Variants in TENM2 observed in about 807,000 individuals in gnomAD.
The protein encoded by TENM2 is teneurin transmembrane protein 2.
A neutral mutation model predicts 245.2 loss-of-function variants in TENM2; 52 were observed. The observed-to-expected ratio is 0.21, with a 90% CI of 0.17 to 0.27. The LOEUF (loss-of-function observed/expected upper bound fraction) is 0.27. TENM2 is among the 10% of genes least tolerant of loss of function. The pLI is 1.00. For missense variants in TENM2, 3,046 were observed against 3,666.8 expected, an observed-to-expected ratio of 0.83 and a Z score of 4.37; for synonymous variants, 1,363 against 1,438.9, an observed-to-expected ratio of 0.95 and a Z score of 1.19.
chr5:167,519,675 C>T (rs966659153), intron 2 of TENM2, among the ~76,000 whole-genome samples: 2 of 152,062 alleles, frequency 1.3e-5, no homozygotes, highest in Non-Finnish European at 2.9e-5. Flanking sequence ...AATTATAGTT[C>T]GCTAAGAGAA....
At chr5:168,251,141 C>T (rs931933519) in intron 27 of TENM2, among the ~76,000 whole-genome samples, 4 of 152,120 alleles carry the variant, frequency 2.6e-5, no homozygotes, top group Non-Finnish European at 4.4e-5. Flanking sequence ...TGGTTGGTAT[C>T]AGACACCTTG....
chr5:167,080,781 T>C, the TENM2 span, among the ~76,000 whole-genome samples: 1 of 152,162 alleles, frequency 6.6e-6, no homozygotes, highest in South Asian at 2.1e-4. Flanking sequence ...TCAAAGAATA[T>C]GTAAGAATAT....
At chr5:167,549,017 C>T (rs906028224) in intron 2 of TENM2, among the ~76,000 whole-genome samples, 2 of 152,226 alleles carry the variant, frequency 1.3e-5, no homozygotes, top group African/African-American at 2.4e-5. Flanking sequence ...TTCTCCTTCT[C>T]CTTTCTCTCT....
the TENM2 span, among the ~76,000 whole-genome samples, chr5:167,272,614 T>C: frequency 6.6e-6 from 1 of 152,286 alleles, no homozygotes; most frequent in South Asian, 2.1e-4. Context: ...CCCTACTCCC[T>C]TCTAGACTAT....
intron 1 of TENM2, among the ~76,000 whole-genome samples, chr5:167,349,975 A>G (rs1002464738): frequency 3.0e-4 from 45 of 152,350 alleles, no homozygotes; most frequent in African/African-American, 1.1e-3. Context: ...GAGTTTTTAA[A>G]TTTATAGTAC....
At chr5:167,324,187 A>G (rs1403466108) in intron 1 of TENM2, among the ~76,000 whole-genome samples, 1 of 152,228 alleles carries the variant, frequency 6.6e-6, no homozygotes, top group African/African-American at 2.4e-5. Context: ...TAGAAGCTCA[A>G]TCAATGACAA....
chr5:167,868,848 A>G lies in TENM2; in HGVS notation c.503-7138A>G, dbSNP rs143122265. On this transcript the variant is annotated intron_variant, in intron 2 of 28. Coordinates refer to ENST00000518659, the Ensembl canonical transcript of TENM2. Reference sequence around the variant, plus strand: ...CTACCTATGGTACAGTCATGTATACACAGCAGGTGCTTGTGAACCAGCTGG... The same window carrying G: ...CTACCTATGGTACAGTCATGTATACGCAGCAGGTGCTTGTGAACCAGCTGG... 7.8e-3 allele frequency among the ~76,000 whole-genome samples: 1,188 copies of G among 152,248 alleles called. 21 individuals are homozygous for G. Among genetic ancestry groups the G allele is most frequent in the African/African-American group, 0.027 (1,119 of 41,530 alleles).
chr5:167,913,143 A>G (rs1166319192), intron 3 of TENM2, among the ~76,000 whole-genome samples: 2 of 152,162 alleles, frequency 1.3e-5, no homozygotes, highest in Non-Finnish European at 2.9e-5. Context: ...CGCTCACCCA[A>G]GCTCCCTGGC....
rs558291955 is a variant in TENM2, at chr5:167,402,596, G to A, written c.502+27123G>A. On this transcript the variant is annotated intron_variant, in intron 2 of 28. Transcript: ENST00000518659. ...TCCCATCCTTCATTTTGGCTGAAGT[G>A]TAGATTCTCTCTTTCTCCTTCTCCC... is the stretch of plus-strand genomic sequence containing the variant. Among the ~76,000 whole-genome samples the A allele has an allele frequency of 9.9e-5, 15 of 152,238 alleles. No individual in the cohort carries two copies. The South Asian group carries it at 2.1e-3, about 21-fold the overall frequency.
chr5:167,711,577 C>A (rs988989479), intron 2 of TENM2, among the ~76,000 whole-genome samples: 1 of 152,204 alleles, frequency 6.6e-6, no homozygotes, highest in Non-Finnish European at 1.5e-5. Flanking sequence ...CCAATCACAT[C>A]CCTTACATCA....
At chr5:167,463,586 C>T (rs1766463103) in intron 2 of TENM2, among the ~76,000 whole-genome samples, 2 of 151,926 alleles carry the variant, frequency 1.3e-5, no homozygotes, top group African/African-American at 2.4e-5. Flanking sequence ...GCAACCTCCA[C>T]CTCCTGGGTT....
chr5:167,466,815 T>C (rs1409215812), intron 2 of TENM2, among the ~76,000 whole-genome samples: 4 of 152,190 alleles, frequency 2.6e-5, no homozygotes, highest in Non-Finnish European at 5.9e-5. Flanking sequence ...AAACTGTTAC[T>C]AATGATTTTC....
At chr5:167,082,517 C>A in the TENM2 span, among the ~76,000 whole-genome samples, 1 of 152,098 alleles carries the variant, frequency 6.6e-6, no homozygotes, top group South Asian at 2.1e-4. Context: ...AAACTCCTGA[C>A]CTCAGGTGAT....
At chr5:167,768,085 T>G (rs2150748782) in intron 2 of TENM2, among the ~76,000 whole-genome samples, 1 of 152,326 alleles carries the variant, frequency 6.6e-6, no homozygotes, top group African/African-American at 2.4e-5. Flanking sequence ...AATGCGCGTC[T>G]TCCATTAGCA....
intron 2 of TENM2, among the ~76,000 whole-genome samples, chr5:167,534,912 C>T (rs1771749361): frequency 6.6e-6 from 1 of 152,140 alleles, no homozygotes; most frequent in Admixed American, 6.6e-5. Flanking sequence ...TAAAATTTCT[C>T]CTTAACATGA....
At chr5:167,701,645 C>T (rs967698496) in intron 2 of TENM2, among the ~76,000 whole-genome samples, 6 of 152,118 alleles carry the variant, frequency 3.9e-5, no homozygotes, top group Non-Finnish European at 7.4e-5. Context: ...AAGCCCTCAC[C>T]TCATAGATTG....
chr5:167,709,359 T>C (rs1561694412), intron 2 of TENM2, among the ~76,000 whole-genome samples: 1 of 152,240 alleles, frequency 6.6e-6, no homozygotes, highest in Admixed American at 6.5e-5. Flanking sequence ...TCTATCTTAT[T>C]TGAATTTCAT....
the TENM2 span, among the ~76,000 whole-genome samples, chr5:167,276,628 A>G: frequency 9.9e-5 from 15 of 152,136 alleles, no homozygotes; most frequent in East Asian, 2.9e-3. Context: ...TCGCACAGAT[A>G]CTGAAATCCA....
At chr5:168,200,017 G>C in exon 17 of TENM2, 1 of 1,613,954 alleles carries the variant, frequency 6.2e-7, no homozygotes, top group Non-Finnish European at 8.5e-7. Flanking sequence ...GGTGGCTGTC[G>C]AGGGGCATCT....
Sources: gnomAD v4.1 joint callset for allele counts (sites outside exome capture counted in the v4.1 genomes callset) on GRCh38, gnomAD v4.1.1 for gene constraint, MANE v1.5 for transcripts, NCBI Gene and HGNC (gene_info 2026-07-23, HGNC 2026-07-21) for gene names.